Variants in PYROXD1 observed in about 807,000 individuals in gnomAD.
PYROXD1 encodes the protein tRNA ligase complex-associated NAD(P)H dehydrogenase PYROXD1.
Under a neutral mutation model 62.0 loss-of-function variants are expected in PYROXD1, and 42 were observed. The ratio of observed to expected loss-of-function variants is 0.68; its 90% CI spans 0.53 to 0.88. The LOEUF (loss-of-function observed/expected upper bound fraction) is 0.88, where lower values mean the gene tolerates loss of function less well. Among genes scored for constraint, PYROXD1 ranks in the 40% least tolerant of loss-of-function variants. The pLI is 0.00. For synonymous variants in PYROXD1, 170 were observed against 206.4 expected (o/e 0.82, Z 1.51); for missense variants, 493 against 604.8 (o/e 0.82, Z 1.94).
At chr12:21,437,864 A>C in intron 1 of PYROXD1, 50 bp downstream of exon 1, 1 of 1,534,732 alleles carries the variant, frequency 6.5e-7, no homozygotes, top group Admixed American at 1.9e-5. Flanking sequence ...CCCAAAGGGG[A>C]TAGCACTGGA....
intron 10 of PYROXD1, among the ~76,000 whole-genome samples, chr12:21,464,202 AAG>A (rs1448491236): frequency 1.4e-5 from 2 of 148,134 alleles, no homozygotes; most frequent in Non-Finnish European, 3.0e-5. Flanking sequence ...TATAATCTGA[AAG>A]AGGGGAAAAA....
rs1386072250 is a variant in PYROXD1, at chr12:21,456,042, A to G, written c.697A>G (p.Ser233Gly). 1 of 1,612,168 alleles carries G rather than the reference A, an allele frequency of 6.2e-7. No individual in the cohort carries two copies. The highest frequency in any genetic ancestry group is 1.1e-5 in the South Asian group (1 of 90,716). Reference protein sequence around the residue: ...RSKSKADNVGSALGPDWHEGL... With the variant: ...RSKSKADNVGGALGPDWHEGL... ...CAAATCTAAAGCAGATAATGTAGGA[A>G]GTGCATTGGGACCAGATTGGCATGA... Residue 233 changes from serine (S) to glycine (G), a missense_variant, in exon 7 of 12, where the codon AGT becomes GGT. Transcript: ENST00000240651.
intron 10 of PYROXD1, 22 bp downstream of exon 10, chr12:21,462,884 T>A: frequency 6.3e-7 from 1 of 1,597,498 alleles, no homozygotes; most frequent in Non-Finnish European, 8.5e-7. Flanking sequence ...TATATAATTA[T>A]ATGTTTTCAT....
chr12:21,456,988 C>T (rs2137272205), intron 7 of PYROXD1: 3 of 384,706 alleles, frequency 7.8e-6, no homozygotes, highest in South Asian at 5.8e-5. Flanking sequence ...AATGTAGTCT[C>T]ATCTTCAGGA....
In PYROXD1 at chr12:21,462,797, C is replaced by G. The variant is rs939540143; in HGVS notation, c.1051C>G (p.Pro351Ala). 1 of 1,613,986 alleles carries G rather than the reference C, an allele frequency of 6.2e-7. No individual in the cohort carries two copies. Residue 351 changes from proline (P) to alanine (A), a missense_variant, in exon 10 of 12, where the codon CCT (proline) becomes GCT (alanine). By Grantham distance (27) the Pro-to-Ala change is conservative. Coordinates refer to ENST00000240651, the MANE Select transcript of PYROXD1 (RefSeq NM_024854.5). ...KVDDHMHTSLPDIYAAGDICT... is the reference protein window; with the variant it reads ...KVDDHMHTSLADIYAAGDICT... The stretch of plus-strand genomic sequence containing the variant: ...GGATGATCATATGCACACATCCCTT[C>G]CTGATATCTATGCTGCCGGTGACAT...
chr12:21,460,425 AT>A (rs1007264719), intron 7 of PYROXD1, among the ~76,000 whole-genome samples: 2 of 108,768 alleles, frequency 1.8e-5, no homozygotes, highest in African/African-American at 3.5e-5. Flanking sequence ...TATTTATTTT[AT>A]TTATTTATTT....
At position 21,471,019 on chromosome 12, in the gene PYROXD1, C is replaced by A; in HGVS notation, c.*2265C>A. 6 of 1,597,190 alleles carry A rather than the reference C, an allele frequency of 3.8e-6. No homozygotes were observed. Among genetic ancestry groups the A allele is most frequent in the Non-Finnish European group, 5.1e-6 (6 of 1,173,344 alleles). Reference sequence around the variant, plus strand: ...GTCACTTGCATAGTAATAGCATGTGCCTCATTGTTCAGAAGATTAGCTTTA... The same window carrying A: ...GTCACTTGCATAGTAATAGCATGTGACTCATTGTTCAGAAGATTAGCTTTA... On this transcript the variant is annotated 3_prime_UTR_variant, in exon 12 of 12. Transcript: ENST00000240651.
At chr12:21,466,143 G>C (rs867913116) in intron 10 of PYROXD1, among the ~76,000 whole-genome samples, 24 of 149,454 alleles carry the variant, frequency 1.6e-4, no homozygotes, top group African/African-American at 5.8e-4. Flanking sequence ...TTGACTTGGC[G>C]ATGCGGGCTC....
intron 5 of PYROXD1, 35 bp from the exon 6 acceptor site, chr12:21,455,097 G>T: frequency 7.9e-7 from 1 of 1,272,738 alleles, no homozygotes; most frequent in Non-Finnish European, 1.0e-6. Context: ...TTAGACTTTT[G>T]AAATCACTCT....
intron 1 of PYROXD1, 94 bp downstream of exon 1, chr12:21,437,908 C>G: frequency 8.4e-7 from 1 of 1,190,248 alleles, no homozygotes. Flanking sequence ...TTTTCTTCTT[C>G]CGGGTTCCTT....
rs987008635 is a variant in PYROXD1, at chr12:21,437,684, C to T, written c.-47C>T. ...GCTTCCTCTCCTGGAGTCCAGAGTCCCGTTGCTCCGCCGCGATATTCAGTA... is the reference window on the plus strand; with the variant it reads ...GCTTCCTCTCCTGGAGTCCAGAGTCTCGTTGCTCCGCCGCGATATTCAGTA... On this transcript the variant is annotated 5_prime_UTR_variant, in exon 1 of 12. Coordinates refer to ENST00000240651, the MANE Select transcript of PYROXD1 (RefSeq NM_024854.5). The T allele has an allele frequency of 7.0e-6, 11 of 1,568,330 alleles. No homozygotes were observed. Among genetic ancestry groups the T allele is most frequent in the Admixed American group, 3.7e-5 (2 of 53,410 alleles).
At chr12:21,467,666 G>T in intron 11 of PYROXD1, 48 bp downstream of exon 11, 1 of 1,360,534 alleles carries the variant, frequency 7.4e-7, no homozygotes, top group Non-Finnish European at 1.0e-6. Flanking sequence ...TTAGTCTTAT[G>T]ACTATGATAA....
At chr12:21,463,495 A>C (rs1942735207) in intron 10 of PYROXD1, among the ~76,000 whole-genome samples, 1 of 152,124 alleles carries the variant, frequency 6.6e-6, no homozygotes, top group Non-Finnish European at 1.5e-5. Context: ...GTTTGAGACC[A>C]GCCTGAACAA....
At chr12:21,461,592 T>G (rs1162779453) in intron 8 of PYROXD1, among the ~76,000 whole-genome samples, 3 of 152,216 alleles carry the variant, frequency 2.0e-5, no homozygotes, top group Non-Finnish European at 4.4e-5. Flanking sequence ...AATATTCTAC[T>G]GTTCTGAATT....
In PYROXD1 at chr12:21,440,348, T is replaced by C. The variant is rs1303441533; in HGVS notation, c.85-20T>C. The C allele has an allele frequency of 8.2e-6, 12 of 1,469,158 alleles. No individual in the cohort carries two copies. Among genetic ancestry groups the C allele is most frequent in the Admixed American group, 1.9e-5 (1 of 53,844 alleles). The allele number at this position is 1,469,158 out of a possible 1,614,324, so 91.0% of individuals were successfully genotyped here. On this transcript the variant is annotated intron_variant, in intron 1 of 11. Coordinates refer to ENST00000240651, the MANE Select transcript of PYROXD1 (RefSeq NM_024854.5). ...TAAAGTAATTTGTCCTAATTTTTTT[T>C]CTCTCTTTTTAAAAATAAGTTGGCT...
rs759172323 is a variant in PYROXD1 at position 21,462,058 on chromosome 12, G to A, written c.931G>A (p.Asp311Asn). ...ELTNEKIYGC[D>N]FIVSATGVTP... ...GACCAATGAAAAGATATATGGCTGC[G>A]ATTTCATTGTCAGTGCTACAGGAGT... Residue 311 changes from aspartate to asparagine, a missense_variant, in exon 9 of 12, where the codon GAT (aspartate) becomes AAT (asparagine). Coordinates refer to ENST00000240651, the MANE Select transcript of PYROXD1 (RefSeq NM_024854.5). The A allele has an allele frequency of 3.7e-6, 6 of 1,612,590 alleles. No homozygotes were observed. Among genetic ancestry groups the A allele is most frequent in the East Asian group, 2.2e-5 (1 of 44,796 alleles).
intron 4 of PYROXD1, among the ~76,000 whole-genome samples, chr12:21,450,024 ATTT>A (rs57680030): frequency 1.7e-3 from 233 of 140,932 alleles, no homozygotes; most frequent in East Asian, 7.5e-3. Context: ...CGCCTGGCTG[ATTT>A]TTTTTTTTTT....
At chr12:21,452,424 C>T (rs1403574188) in intron 5 of PYROXD1, among the ~76,000 whole-genome samples, 1 of 151,772 alleles carries the variant, frequency 6.6e-6, no homozygotes, top group African/African-American at 2.4e-5. Context: ...GGTGATTGGC[C>T]AAATTTGGCC....
Position 21,468,683 on chromosome 12 carries a change from C to A in PYROXD1, c.1432C>A (p.Gln478Lys). 3 of 1,611,384 alleles carry A rather than the reference C, an allele frequency of 1.9e-6. No individual in the cohort carries two copies. Among genetic ancestry groups the A allele is most frequent in the South Asian group, 2.2e-5 (2 of 90,886 alleles). Residue 478 changes from glutamine to lysine, a missense_variant, in exon 12 of 12, where the codon CAA becomes AAA. Coordinates refer to ENST00000240651, the MANE Select transcript of PYROXD1 (RefSeq NM_024854.5). ...AACATTTGAAAACCTAATCTTAAAC[C>A]AAATGAATCTTTCATCATATGGAGA... ...EETFENLILN[Q>K]MNLSSYGEDL...
Sources: gnomAD v4.1 joint callset for allele counts (sites outside exome capture counted in the v4.1 genomes callset) on GRCh38, gnomAD v4.1.1 for gene constraint, MANE v1.5 for transcripts, NCBI Gene and HGNC (gene_info 2026-07-23, HGNC 2026-07-21) for gene names.